The following RNF149 variants were observed in gnomAD, a reference collection of about 807,000 sequenced individuals.
RNF149 encodes ring finger protein 149, also known as E3 ubiquitin-protein ligase RNF149.
In RNF149, 21 loss-of-function variants were observed where a neutral mutation model predicts 39.0. The observed-to-expected ratio is 0.54, with a 90% CI of 0.38 to 0.77. RNF149 has a LOEUF of 0.77. RNF149 is among the 30% of genes least tolerant of loss of function. RNF149 has a pLI of 0.00. For synonymous variants in RNF149, 209 were observed against 213.6 expected (o/e 0.98, Z 0.19); for missense variants, 493 against 534.9 (o/e 0.92, Z 0.77).
At chr2:101,301,000 C>T (rs1328818384) in intron 1 of RNF149, among the ~76,000 whole-genome samples, 1 of 152,210 alleles carries the variant, frequency 6.6e-6, no homozygotes, top group African/African-American at 2.4e-5. Flanking sequence ...CCTTAATTGG[C>T]ACATGAGACC....
chr2:101,275,377 A>G (rs964970403), downstream of RNF149, among the ~76,000 whole-genome samples: 1 of 147,414 alleles, frequency 6.8e-6, no homozygotes, highest in African/African-American at 2.5e-5. Flanking sequence ...TTGGCCTCCC[A>G]AAGTGCTGGG....
chr2:101,300,808 G>A (rs1683424075), intron 1 of RNF149, among the ~76,000 whole-genome samples: 1 of 152,186 alleles, frequency 6.6e-6, no homozygotes, highest in South Asian at 2.1e-4. Flanking sequence ...AACATTTCAG[G>A]GGATGAACTG....
At chr2:101,285,644 T>C (rs1682766718) in intron 5 of RNF149, among the ~76,000 whole-genome samples, 1 of 152,240 alleles carries the variant, frequency 6.6e-6, no homozygotes, top group Non-Finnish European at 1.5e-5. Context: ...GCCCCAGGTC[T>C]ATTTGATTCT....
intron 1 of RNF149, among the ~76,000 whole-genome samples, chr2:101,298,238 T>C (rs967944496): frequency 1.3e-5 from 2 of 152,090 alleles, no homozygotes; most frequent in Admixed American, 6.6e-5. Context: ...TTGGCCATCA[T>C]GGCAAAACCC....
At chr2:101,273,201 G>T, downstream of RNF149, 1 of 1,108,252 alleles carries the variant, frequency 9.0e-7, no homozygotes, top group Non-Finnish European at 1.2e-6. Flanking sequence ...CGCCAGTCCA[G>T]ACACCGAGGA....
intron 1 of RNF149, among the ~76,000 whole-genome samples, chr2:101,303,314 C>T (rs1385211378): frequency 2.0e-5 from 3 of 146,778 alleles, no homozygotes; most frequent in African/African-American, 5.1e-5. Context: ...TTAGTAGAGA[C>T]GGGGTTTTTG....
At chr2:101,288,230 C>CTTTTTTTT (rs554652378) in intron 4 of RNF149, among the ~76,000 whole-genome samples, 1 of 60,576 alleles carries the variant, frequency 1.7e-5, no homozygotes, top group Non-Finnish European at 2.8e-5. Flanking sequence ...GAAAGAAAAA[C>CTTTTTTTT]TTTTTTTTTT....
At chr2:101,305,202 A>G (rs1683609123) in intron 1 of RNF149, among the ~76,000 whole-genome samples, 1 of 152,130 alleles carries the variant, frequency 6.6e-6, no homozygotes. Flanking sequence ...TGTTACACAG[A>G]ACAGTGAGAA....
Position 101,308,389 on chromosome 2 carries a change from C to A in RNF149, c.200G>T (p.Ser67Ile). ...GCCATGCGCGCCCTCCTTGGGCGAG[C>A]TGTCGCCGAAGCGGCCACTCTCCGA... ...SVSESGRFGD[S>I]SPKEGAHGLV... Residue 67 changes from serine (S) to isoleucine (I), a missense_variant, in exon 1 of 7, where the codon AGC becomes ATC. By Grantham distance (142) the Ser-to-Ile change is moderately radical. Transcript: ENST00000295317. The A allele has an allele frequency of 6.2e-7, 1 of 1,609,980 alleles. No individual in the cohort carries two copies. Among genetic ancestry groups the A allele is most frequent in the South Asian group, 1.1e-5 (1 of 90,788 alleles).
At chr2:101,282,511 C>T (rs907332018) in intron 5 of RNF149, among the ~76,000 whole-genome samples, 4 of 152,102 alleles carry the variant, frequency 2.6e-5, no homozygotes, top group African/African-American at 7.2e-5. Context: ...TGGCTCCTTC[C>T]GTATGGACAG....
chr2:101,300,089 G>T (rs1395162330), intron 1 of RNF149, among the ~76,000 whole-genome samples: 1 of 152,228 alleles, frequency 6.6e-6, no homozygotes, highest in Non-Finnish European at 1.5e-5. Context: ...AGAAAGCAGA[G>T]TAACAAAGAG....
chr2:101,282,681 T>C (rs1284720268), intron 5 of RNF149, among the ~76,000 whole-genome samples: 2 of 152,182 alleles, frequency 1.3e-5, no homozygotes, highest in African/African-American at 2.4e-5. Flanking sequence ...ATTTGATTAA[T>C]ACCAGAGTCA....
chr2:101,308,697 G>A lies in RNF149; in HGVS notation c.-109C>T, dbSNP rs1008929542. 102 of 1,064,504 alleles carry A rather than the reference G, an allele frequency of 9.6e-5. No individual in the cohort carries two copies. The highest frequency in any genetic ancestry group is 9.5e-4 in the Middle Eastern group (3 of 3,164). 65.9% of individuals were successfully genotyped at this position (1,064,504 alleles called of 1,614,324 possible). ...ACCGCCGCCCTGGAAGACTGAGGCG[G>A]GGTCGGGGCCGCTGCGCACGCGCAC... is the stretch of plus-strand genomic sequence containing the variant. On this transcript the variant is annotated 5_prime_UTR_variant, in exon 1 of 7. Coordinates refer to ENST00000295317, the MANE Select transcript of RNF149 (RefSeq NM_173647.4).
chr2:101,293,066 C>T (rs977313687), intron 3 of RNF149, among the ~76,000 whole-genome samples: 7 of 142,770 alleles, frequency 4.9e-5, no homozygotes, highest in East Asian at 2.0e-4. Flanking sequence ...AACTGTAGTA[C>T]GAAAACAATC....
Position 101,308,367 on chromosome 2 carries a change from A to G in RNF149, c.222T>C (p.His74=). Reference sequence around the variant, plus strand: ...GCGCCCACGGGACGCCCACCAGGCCATGCGCGCCCTCCTTGGGCGAGCTGT... The same window carrying G: ...GCGCCCACGGGACGCCCACCAGGCCGTGCGCGCCCTCCTTGGGCGAGCTGT... ...FGDSSPKEGA[H]GLVGVPWAPG... The change falls in exon 1 of 7, where the codon CAT becomes CAC. Residue 74 remains histidine (H), a synonymous_variant. Transcript: ENST00000295317. 6.2e-7 allele frequency: 1 copy of G among 1,606,692 alleles called. No homozygotes were observed. The highest frequency in any genetic ancestry group is 1.1e-5 in the South Asian group (1 of 90,542).
intron 4 of RNF149, among the ~76,000 whole-genome samples, chr2:101,287,398 A>G (rs1309425711): frequency 6.6e-6 from 1 of 152,210 alleles, no homozygotes; most frequent in African/African-American, 2.4e-5. Flanking sequence ...TTTTATTGGG[A>G]AATTTGTTAC....
chr2:101,288,970 T>G lies in RNF149; in HGVS notation c.863+3A>C, dbSNP rs1420771140. 1 of 1,459,736 alleles carries G rather than the reference T, an allele frequency of 6.9e-7. No homozygotes were observed. The highest frequency in any genetic ancestry group is 9.6e-7 in the Non-Finnish European group (1 of 1,043,468). The allele number at this position is 1,459,736 out of a possible 1,614,324, so 90.4% of individuals were successfully genotyped here. A position where few individuals can be genotyped will look rare whatever the true frequency, so the allele number is the denominator to read the frequency against. On this transcript the variant is annotated splice_donor_region_variant and intron_variant, in intron 4 of 6. Coordinates refer to ENST00000295317, the MANE Select transcript of RNF149 (RefSeq NM_173647.4). ...AACATCTCAATATGTAAAAAGAACA[T>G]ACTTGCATGGCAGAATTCTAATAAT...
chr2:101,308,521 AGGGC>A lies in RNF149; in HGVS notation c.64_67del (p.Ala22TrpfsTer20). ...CCGGGCCCCGGGCACGCACAGGGCCAGGGCGAGCAACGCCAGAGCCAACACGCCG... is the reference window on the plus strand; with the variant it reads ...CCGGGCCCCGGGCACGCACAGGGCCAGAGCAACGCCAGAGCCAACACGCCG... On this transcript the variant is annotated frameshift_variant, in exon 1 of 7. Transcript: ENST00000295317. LOFTEE classifies it high-confidence loss of function. 6.2e-7 allele frequency: 1 copy of A among 1,605,988 alleles called. No homozygotes were observed. The highest frequency in any genetic ancestry group is 8.5e-7 in the Non-Finnish European group (1 of 1,177,732).
chr2:101,295,647 C>T (rs906963572), intron 1 of RNF149, among the ~76,000 whole-genome samples: 9 of 144,404 alleles, frequency 6.2e-5, no homozygotes, highest in African/African-American at 1.8e-4. Context: ...GGCGACAGTG[C>T]GAGACCCCAT....
Sources: allele counts gnomAD v4.1 joint callset (sites outside exome capture counted in the v4.1 genomes callset), GRCh38; gene constraint gnomAD v4.1.1; transcripts MANE v1.5; gene names NCBI Gene and HGNC (gene_info 2026-07-23, HGNC 2026-07-21).